CCDC198: variants seen among roughly 807,000 people sequenced by gnomAD.
CCDC198 encodes the protein coiled-coil domain containing 198, also known as factor associated with metabolism and energy.
A neutral mutation model predicts 35.6 loss-of-function variants in CCDC198; 18 were observed. The ratio of observed to expected loss-of-function variants is 0.51; its 90% CI spans 0.35 to 0.75. The LOEUF is 0.75. Among genes scored for constraint, CCDC198 ranks in the 30% least tolerant of loss-of-function variants. The pLI, the probability that CCDC198 is intolerant of heterozygous loss-of-function variation, is 0.01. For synonymous variants in CCDC198, 119 were observed against 113.4 expected (o/e 1.05, Z -0.31); for missense variants, 365 against 343.7 (o/e 1.06, Z -0.49).
intron 5 of CCDC198, among the ~76,000 whole-genome samples, chr14:57,472,352 A>G (rs1238733598): frequency 6.6e-6 from 1 of 151,958 alleles, no homozygotes; most frequent in Non-Finnish European, 1.5e-5. Context: ...CATTTTTCCT[A>G]ATGTAATGCT....
intron 3 of CCDC198, 21 bp downstream of exon 3, chr14:57,483,044 C>T (rs2067240171): frequency 6.2e-7 from 1 of 1,613,934 alleles, no homozygotes; most frequent in East Asian, 2.2e-5. Flanking sequence ...ACCTCCCTGT[C>T]AGGTTACTGC....
chr14:57,472,830 A>G (rs950843771), intron 5 of CCDC198, among the ~76,000 whole-genome samples: 1 of 152,230 alleles, frequency 6.6e-6, no homozygotes, highest in Non-Finnish European at 1.5e-5. Flanking sequence ...GGCTTTTAAG[A>G]AAACAAAATC....
rs776785114 is a variant in CCDC198, at chr14:57,493,527, A to T, written c.189T>A (p.Pro63=). Residue 63 remains proline, a synonymous_variant, in exon 1 of 6, where the codon CCT becomes CCA. Coordinates refer to ENST00000216445, the MANE Select transcript of CCDC198 (RefSeq NM_018168.4). The part of the protein sequence containing the change: ...QNKALEGQLP[P]LQENWYGRYS... ...ATCTTCCATACCAGTTTTCTTGTAAAGGTGGCAGCTGCCCTTCCAAGGCTT... is the reference window on the plus strand; with the variant it reads ...ATCTTCCATACCAGTTTTCTTGTAATGGTGGCAGCTGCCCTTCCAAGGCTT... 6 of 1,613,910 alleles carry T rather than the reference A, an allele frequency of 3.7e-6. No homozygotes were observed. In the East Asian group the frequency reaches 1.1e-4, roughly 30 times the overall value.
chr14:57,489,169 T>C (rs904999139), intron 2 of CCDC198, among the ~76,000 whole-genome samples: 1 of 152,156 alleles, frequency 6.6e-6, no homozygotes, highest in African/African-American at 2.4e-5. Context: ...GTAGTACATA[T>C]ACACCATGGA....
intron 4 of CCDC198, 88 bp downstream of exon 4, chr14:57,481,471 C>G (rs2067183054): frequency 1.1e-6 from 1 of 871,684 alleles, no homozygotes; most frequent in Non-Finnish European, 1.8e-6. Context: ...TAAGTAAAGA[C>G]TGGCTATCTA....
chr14:57,486,429 C>G (rs1185612486), intron 2 of CCDC198, among the ~76,000 whole-genome samples: 1 of 151,168 alleles, frequency 6.6e-6, no homozygotes. Context: ...CTTTTCTGCA[C>G]TATATGTTAT....
At position 57,481,623 on chromosome 14, in the gene CCDC198, G is replaced by A; in HGVS notation, c.431C>T (p.Thr144Ile). The A allele has an allele frequency of 6.2e-7, 1 of 1,612,044 alleles. No homozygotes were observed. Among genetic ancestry groups the A allele is most frequent in the Admixed American group, 1.7e-5 (1 of 59,954 alleles). The change falls in exon 4 of 6, where the codon ACT (threonine) becomes ATT (isoleucine). Residue 144 changes from threonine (T) to isoleucine (I), a missense_variant. Physicochemically the swap from Thr to Ile is moderately conservative, Grantham distance 89 (BLOSUM62 -1). Transcript: ENST00000216445. ...LEKKMQTPMY[T>I]SENRQYLHKM... ...ATGCAAATATTGTCTGTTCTCAGAA[G>A]TATACATTGGAGTTTGCATTTTCTT...
intron 2 of CCDC198, 157 bp from the exon 3 acceptor site, chr14:57,483,308 G>A (rs2067249493): frequency 1.8e-6 from 2 of 1,092,982 alleles, no homozygotes; most frequent in South Asian, 3.2e-5. Flanking sequence ...CAGTTATATT[G>A]GTACAAAGGG....
At chr14:57,479,884 C>A (rs771266950) in intron 5 of CCDC198, among the ~76,000 whole-genome samples, 1 of 152,102 alleles carries the variant, frequency 6.6e-6, no homozygotes, top group Non-Finnish European at 1.5e-5. Flanking sequence ...GATGGATGGA[C>A]AGTAAGACCT....
At position 57,483,194 on chromosome 14, in the gene CCDC198, T is replaced by C. The variant is rs2067245617; in HGVS notation, c.307-43A>G. Reference sequence around the variant, plus strand: ...AGAGCAGTCAGCATTCCTCATGCCATGAGATGATGAAACAGAAAAGCCAGA... The same window carrying C: ...AGAGCAGTCAGCATTCCTCATGCCACGAGATGATGAAACAGAAAAGCCAGA... On this transcript the variant is annotated intron_variant, in intron 2 of 5. Transcript: ENST00000216445. 8 of 1,613,598 alleles carry C rather than the reference T, an allele frequency of 5.0e-6. 1 individual carries two copies. Among genetic ancestry groups the C allele is most frequent in the Middle Eastern group, 3.3e-4 (2 of 6,054 alleles).
intron 4 of CCDC198, 100 bp downstream of exon 4, chr14:57,481,459 G>C (rs2067182387): frequency 1.3e-6 from 1 of 776,752 alleles, no homozygotes; most frequent in African/African-American, 1.7e-5. Context: ...AATTTAAAAT[G>C]CTAAGTAAAG....
chr14:57,491,745 T>C (rs2067576942), intron 1 of CCDC198, among the ~76,000 whole-genome samples: 1 of 152,060 alleles, frequency 6.6e-6, no homozygotes, highest in Non-Finnish European at 1.5e-5. Flanking sequence ...CTCTTGGGAG[T>C]GCTACCATGA....
chr14:57,482,038 ACCAT>A lies in CCDC198; in HGVS notation c.394-382_394-379del. Among the ~76,000 whole-genome samples, 3 of 152,268 alleles carry A rather than the reference ACCAT, an allele frequency of 2.0e-5. No individual in the cohort carries two copies. The East Asian group carries it at 5.8e-4, about 29-fold the overall frequency. On this transcript the variant is annotated intron_variant, in intron 3 of 5. Coordinates refer to ENST00000216445, the MANE Select transcript of CCDC198 (RefSeq NM_018168.4). ...CTTTCTTTTTCTCCCTGCCTCTTTT[ACCAT>A]TGAGTAATTGGCTGGCTATGAAATG...
intron 5 of CCDC198, among the ~76,000 whole-genome samples, chr14:57,471,867 T>C (rs1362771136): frequency 6.6e-6 from 1 of 151,722 alleles, no homozygotes; most frequent in Non-Finnish European, 1.5e-5. Context: ...ATCAACATTT[T>C]GCCACAATAC....
Position 57,471,375 on chromosome 14 carries a change from C to A in CCDC198, c.871G>T (p.Glu291Ter), listed in dbSNP as rs201407662. Residue 291 changes from glutamate to a stop codon, truncating the protein, a stop_gained, in exon 6 of 6, where the codon GAG becomes TAG. Coordinates refer to ENST00000216445, the MANE Select transcript of CCDC198 (RefSeq NM_018168.4). LOFTEE classifies it high-confidence loss of function. ...TATTCTTATTCTTGATCAAAAAACT[C>A]ATCGAAAAGTGGGATTCTCTCTGTC... is the stretch of plus-strand genomic sequence containing the variant. ...TRTERIPLFD[E>*]FFDQE 568 of 1,612,796 alleles carry A rather than the reference C, an allele frequency of 3.5e-4. 2 individuals carry two copies. Among genetic ancestry groups the A allele is most frequent in the Admixed American group, 1.2e-3 (72 of 59,812 alleles).
chr14:57,471,791 A>G, intron 5 of CCDC198, among the ~76,000 whole-genome samples: 1 of 149,970 alleles, frequency 6.7e-6, no homozygotes, highest in South Asian at 2.1e-4. Flanking sequence ...TTTAGTTGTT[A>G]TTTTTTAAAT....
intron 2 of CCDC198, among the ~76,000 whole-genome samples, chr14:57,484,230 T>C (rs1203344689): frequency 6.6e-6 from 1 of 152,172 alleles, no homozygotes. Flanking sequence ...TTAGTTAAGA[T>C]GAAGTCATGC....
chr14:57,471,954 A>C (rs1383580803), intron 5 of CCDC198, among the ~76,000 whole-genome samples: 1 of 151,942 alleles, frequency 6.6e-6, no homozygotes, highest in Non-Finnish European at 1.5e-5. Flanking sequence ...TTAGTGGCAG[A>C]GTCACCTCCC....
chr14:57,486,410 T>G (rs937888119), intron 2 of CCDC198, among the ~76,000 whole-genome samples: 1 of 151,770 alleles, frequency 6.6e-6, no homozygotes, highest in African/African-American at 2.4e-5. Flanking sequence ...CAGCTCCAAA[T>G]CTAAAGCTCT....
Sources: gnomAD v4.1 joint callset for allele counts (sites outside exome capture counted in the v4.1 genomes callset) on GRCh38, gnomAD v4.1.1 for gene constraint, MANE v1.5 for transcripts, NCBI Gene and HGNC (gene_info 2026-07-23, HGNC 2026-07-21) for gene names.